Variants in LRRC49 observed in about 807,000 individuals in gnomAD.
LRRC49 encodes leucine rich repeat containing 49.
In LRRC49, 50 loss-of-function variants were observed where a neutral mutation model predicts 83.3. That is an observed-to-expected ratio of 0.60 (90% CI 0.48 to 0.76). The LOEUF (loss-of-function observed/expected upper bound fraction) is 0.76. LRRC49 is among the 30% of genes least tolerant of loss of function. The pLI, the probability that LRRC49 is intolerant of heterozygous loss-of-function variation, is 0.00. For missense variants in LRRC49, 704 were observed against 809.1 expected (o/e 0.87, Z 1.58); for synonymous variants, 286 against 283.3 (o/e 1.01, Z -0.10).
chr15:71,042,761 T>G (rs1414086148), intron 15 of LRRC49, among the ~76,000 whole-genome samples: 1 of 152,152 alleles, frequency 6.6e-6, no homozygotes, highest in Non-Finnish European at 1.5e-5. Context: ...TCCTGACTCA[T>G]CTAAAAAAGA....
chr15:71,041,625 A>T (rs1331838129), intron 15 of LRRC49, among the ~76,000 whole-genome samples: 2 of 152,310 alleles, frequency 1.3e-5, no homozygotes, highest in East Asian at 3.9e-4. Context: ...ATTTATACAA[A>T]TGGAAAAACA....
chr15:70,892,290 C>A (rs552409360), upstream of LRRC49: 30 of 1,552,684 alleles, frequency 1.9e-5, no homozygotes, highest in Non-Finnish European at 2.6e-5. Context: ...GTCTTCGGTG[C>A]GCGGGAGCCG....
At chr15:71,027,738 G>A (rs188606579) in intron 14 of LRRC49, among the ~76,000 whole-genome samples, 1 of 152,084 alleles carries the variant, frequency 6.6e-6, no homozygotes, top group Non-Finnish European at 1.5e-5. Flanking sequence ...ATTTGGCTCT[G>A]TGCTTGTCTG....
chr15:70,998,523 G>A (rs1373290755), intron 11 of LRRC49, among the ~76,000 whole-genome samples: 2 of 151,630 alleles, frequency 1.3e-5, no homozygotes, highest in Non-Finnish European at 2.9e-5. Flanking sequence ...TGGTCTCCAT[G>A]ATTTCTGATG....
chr15:70,882,974 T>G, intron 2 of LRRC49: 1 of 1,544,998 alleles, frequency 6.5e-7, no homozygotes, highest in Non-Finnish European at 8.8e-7. Context: ...CTTTCAAAAG[T>G]TACAAGTAGT....
chr15:70,958,017 C>A (rs2036464038), intron 8 of LRRC49, among the ~76,000 whole-genome samples: 1 of 152,058 alleles, frequency 6.6e-6, no homozygotes, highest in African/African-American at 2.4e-5. Context: ...ACCCTTGTAA[C>A]CATAACTCTA....
In LRRC49 at chr15:71,009,941, T is replaced by C. The variant is rs774953242; in HGVS notation, c.1542T>C (p.Tyr514=). Residue 514 remains tyrosine (Y), a synonymous_variant, in exon 13 of 16, where the codon TAT becomes TAC. Transcript: ENST00000260382. ...PVVNFTLWKY[Y]VLFRLSHFSM... ...TCAATTTTACACTCTGGAAATACTA[T>C]GTACTGTTTAGGCTAAGCCATTTCA... is the stretch of plus-strand genomic sequence containing the variant. 14 of 1,611,988 alleles carry C rather than the reference T, an allele frequency of 8.7e-6. No individual in the cohort carries two copies. Among genetic ancestry groups the C allele is most frequent in the Non-Finnish European group, 1.1e-5 (13 of 1,178,552 alleles).
intron 6 of LRRC49, among the ~76,000 whole-genome samples, chr15:70,911,955 C>T (rs2034567209): frequency 6.6e-6 from 1 of 152,002 alleles, no homozygotes; most frequent in South Asian, 2.1e-4. Context: ...TCACAGGTAA[C>T]CACTATTTTA....
At chr15:70,858,683 A>C in intron 1 of LRRC49, 1 of 609,504 alleles carries the variant, frequency 1.6e-6, no homozygotes, top group Non-Finnish European at 2.8e-6. Context: ...CGCCTGGTTC[A>C]GCCCGCCTGC....
At chr15:70,865,599 A>G (rs768734687) in intron 1 of LRRC49, among the ~76,000 whole-genome samples, 7 of 152,146 alleles carry the variant, frequency 4.6e-5, no homozygotes, top group Admixed American at 6.5e-5. Context: ...TCACCATTTT[A>G]TATTGTTATT....
At chr15:70,891,567 CTGTGTGTGTGTGTGTGTGTGTG>C (rs3220843), upstream of LRRC49, among the ~76,000 whole-genome samples, 465 of 137,132 alleles carry the variant, frequency 3.4e-3, 2 homozygotes, top group African/African-American at 9.3e-3. Flanking sequence ...GGACAAGACT[CTGTGTGTGTGTGTGTGTGTGTG>C]TGTGTGTGTG....
In LRRC49 at chr15:70,868,793, G is replaced by A. The variant is rs114559251; in HGVS notation, c.-298-4115G>A. 2.4e-3 allele frequency among the ~76,000 whole-genome samples: 365 copies of A among 152,320 alleles called. 2 individuals are homozygous for A. The highest frequency in any genetic ancestry group is 8.4e-3 in the African/African-American group (351 of 41,578). Reference sequence around the variant, plus strand: ...AAGCTTCAGTGTCATGCTTTGTTTCGTTTTTCTAAATAGGTAAGAGCTGAT... The same window carrying A: ...AAGCTTCAGTGTCATGCTTTGTTTCATTTTTCTAAATAGGTAAGAGCTGAT... On this transcript the variant is annotated intron_variant, in intron 1 of 16. Coordinates refer to the LRRC49 transcript ENST00000544974.
chr15:70,859,475 G>T, intron 1 of LRRC49: 1 of 701,108 alleles, frequency 1.4e-6, no homozygotes, highest in South Asian at 1.4e-5. Flanking sequence ...CTACTTCCTG[G>T]ACACGGTCAG....
chr15:70,943,026 A>C lies in LRRC49; in HGVS notation c.773+6204A>C, dbSNP rs1377474539. On this transcript the variant is annotated intron_variant, in intron 8 of 15. Transcript: ENST00000260382. ...TTTTTTTCTCGTTAATATATGTTTCAATTTTTATTGCTTCTTCCTCATCTG... is the reference window on the plus strand; with the variant it reads ...TTTTTTTCTCGTTAATATATGTTTCCATTTTTATTGCTTCTTCCTCATCTG... 2.0e-5 allele frequency among the ~76,000 whole-genome samples: 3 copies of C among 151,960 alleles called. No individual in the cohort carries two copies. The East Asian group carries it at 5.8e-4, about 29-fold the overall frequency.
chr15:70,907,969 A>G (rs1456397349), intron 5 of LRRC49: 1 of 456,002 alleles, frequency 2.2e-6, no homozygotes, highest in South Asian at 1.5e-5. Context: ...GCCTTCATTT[A>G]CCTCTGAATT....
At chr15:70,931,829 G>A (rs1596033839) in intron 7 of LRRC49, among the ~76,000 whole-genome samples, 1 of 152,166 alleles carries the variant, frequency 6.6e-6, no homozygotes, top group Non-Finnish European at 1.5e-5. Context: ...CTTCTAGACA[G>A]TTTTGCCAGG....
chr15:71,028,017 C>G (rs571328798), intron 14 of LRRC49, among the ~76,000 whole-genome samples: 1 of 151,946 alleles, frequency 6.6e-6, no homozygotes, highest in Non-Finnish European at 1.5e-5. Context: ...ATCCTTGTCT[C>G]GTTACAGTTA....
intron 1 of LRRC49, among the ~76,000 whole-genome samples, chr15:70,868,767 C>G (rs2032965263): frequency 6.6e-6 from 1 of 152,222 alleles, no homozygotes; most frequent in Admixed American, 6.5e-5. Context: ...TATACAGTGA[C>G]AAGCTTCAGT....
chr15:70,969,368 T>C (rs947387635), intron 9 of LRRC49, among the ~76,000 whole-genome samples: 119 of 152,120 alleles, frequency 7.8e-4, no homozygotes, highest in African/African-American at 2.7e-3. Flanking sequence ...CAGTACCTTG[T>C]TGTTTTGGTT....
Sources: gnomAD v4.1 joint callset for allele counts (sites outside exome capture counted in the v4.1 genomes callset) on GRCh38, gnomAD v4.1.1 for gene constraint, MANE v1.5 for transcripts, NCBI Gene and HGNC (gene_info 2026-07-23, HGNC 2026-07-21) for gene names.